The following PAPSS1 variants were observed in gnomAD, a reference collection of about 807,000 sequenced individuals.
PAPSS1 encodes the protein 3'-phosphoadenosine 5'-phosphosulfate synthase 1.
In PAPSS1, 50 loss-of-function variants were observed where a neutral mutation model predicts 72.0. The observed-to-expected ratio is 0.69, with a 90% CI of 0.55 to 0.88. The LOEUF (loss-of-function observed/expected upper bound fraction) is 0.88, where lower values mean the gene tolerates loss of function less well. PAPSS1 is among the 40% of genes least tolerant of loss of function. The probability of loss-of-function intolerance (pLI) is 0.00; values close to 1 mark genes in which losing one functional copy is unlikely to be tolerated. For missense variants in PAPSS1, 657 were observed against 782.2 expected (o/e 0.84, Z 1.91); for synonymous variants, 261 against 263.6 (o/e 0.99, Z 0.09).
chr4:107,640,392 A>G lies in PAPSS1; in HGVS notation c.1506+4410T>C, dbSNP rs1029567938. ...TTAACAGCTGCCCATGGTTCTGAAA[A>G]GCATTTGTGCTAAGGAAACAAATCT... On this transcript the variant is annotated intron_variant, in intron 10 of 11. Transcript: ENST00000265174. Among the ~76,000 whole-genome samples the G allele has an allele frequency of 2.6e-5, 4 of 152,218 alleles. No individual in the cohort carries two copies. In the East Asian group the frequency reaches 7.7e-4, roughly 29 times the overall value.
intron 5 of PAPSS1, among the ~76,000 whole-genome samples, chr4:107,670,496 A>T (rs1727440401): frequency 6.6e-6 from 1 of 152,160 alleles, no homozygotes; most frequent in Non-Finnish European, 1.5e-5. Flanking sequence ...TGTGAACACA[A>T]ATCATCTTTC....
chr4:107,653,431 A>G, intron 9 of PAPSS1, 60 bp downstream of exon 9: 2 of 1,525,828 alleles, frequency 1.3e-6, no homozygotes, highest in South Asian at 2.6e-5. Context: ...CACTGGAAAA[A>G]ATCGTCTAGA....
At chr4:107,670,354 G>A (rs62311641) in intron 5 of PAPSS1, among the ~76,000 whole-genome samples, 27,468 of 151,840 alleles carry the variant, frequency 0.18, 2,879 homozygotes, top group East Asian at 0.36. Context: ...AATAAATTAG[G>A]AGGAAGGCAT....
chr4:107,650,693 A>G (rs1255344472), intron 9 of PAPSS1, among the ~76,000 whole-genome samples: 1 of 152,216 alleles, frequency 6.6e-6, no homozygotes, highest in Non-Finnish European at 1.5e-5. Flanking sequence ...TAATTTGAAT[A>G]TATGTTATCT....
rs896674473 is a variant in PAPSS1 at position 107,623,449 on chromosome 4, C to T, written c.1736+8182G>A. Among the ~76,000 whole-genome samples, 11 of 152,290 alleles carry T rather than the reference C, an allele frequency of 7.2e-5. No homozygotes were observed. In the South Asian group the frequency reaches 2.1e-3, roughly 29 times the overall value. On this transcript the variant is annotated intron_variant, in intron 11 of 11. Transcript: ENST00000265174. Reference sequence around the variant, plus strand: ...TTTGCTTCTGCTGAATGCTTAGAGGCCTGCCTACTTAAGAACCACAAAAAA... The same window carrying T: ...TTTGCTTCTGCTGAATGCTTAGAGGTCTGCCTACTTAAGAACCACAAAAAA...
chr4:107,671,064 C>T (rs962551135), intron 5 of PAPSS1, among the ~76,000 whole-genome samples: 1 of 152,064 alleles, frequency 6.6e-6, no homozygotes, highest in Admixed American at 6.6e-5. Flanking sequence ...CAGTTTTTAA[C>T]CATCAGGGAA....
intron 3 of PAPSS1, among the ~76,000 whole-genome samples, chr4:107,688,003 G>A (rs2110339833): frequency 6.7e-6 from 1 of 148,530 alleles, no homozygotes; most frequent in East Asian, 2.0e-4. Flanking sequence ...AAATCTCCAA[G>A]AATAAGCTCT....
chr4:107,692,209 A>G (rs1264907541), intron 3 of PAPSS1, among the ~76,000 whole-genome samples: 2 of 152,212 alleles, frequency 1.3e-5, no homozygotes, highest in East Asian at 3.8e-4. Flanking sequence ...TAATTAAACT[A>G]AAGAGCTTCT....
At chr4:107,641,973 A>T (rs550645000) in intron 10 of PAPSS1, among the ~76,000 whole-genome samples, 83 of 152,314 alleles carry the variant, frequency 5.4e-4, no homozygotes, top group Non-Finnish European at 1.0e-3. Flanking sequence ...GTGTTAAATG[A>T]TTTACATTGA....
At chr4:107,660,102 G>T (rs1215106148) in intron 5 of PAPSS1, 30 bp from the exon 6 acceptor site, 1 of 1,131,680 alleles carries the variant, frequency 8.8e-7, no homozygotes, top group Non-Finnish European at 1.3e-6. Context: ...CAATTTAAAT[G>T]TTTGATTCAA....
At chr4:107,633,680 G>A (rs1330205442) in intron 10 of PAPSS1, among the ~76,000 whole-genome samples, 2 of 152,102 alleles carry the variant, frequency 1.3e-5, no homozygotes, top group Non-Finnish European at 2.9e-5. Context: ...AGCACTTTGG[G>A]AGGCTGAGGC....
At chr4:107,618,500 T>C (rs149841078) in intron 11 of PAPSS1, among the ~76,000 whole-genome samples, 23 of 148,784 alleles carry the variant, frequency 1.5e-4, no homozygotes, top group African/African-American at 4.7e-4. Flanking sequence ...AAACATAAGA[T>C]GGAGAAGGAA....
At chr4:107,671,196 C>A (rs535024116) in intron 5 of PAPSS1, among the ~76,000 whole-genome samples, 2 of 151,870 alleles carry the variant, frequency 1.3e-5, no homozygotes, top group South Asian at 4.1e-4. Flanking sequence ...TGGACTGAAT[C>A]CTGGAACAGG....
At chr4:107,634,972 G>A (rs1051146982) in intron 10 of PAPSS1, among the ~76,000 whole-genome samples, 3 of 151,230 alleles carry the variant, frequency 2.0e-5, no homozygotes, top group East Asian at 2.0e-4. Context: ...TAATTTTTTT[G>A]TATTTTTAGT....
At chr4:107,683,985 T>G (rs4956124) in intron 4 of PAPSS1, among the ~76,000 whole-genome samples, 28,209 of 150,822 alleles carry the variant, frequency 0.19, 2,949 homozygotes, top group East Asian at 0.38. Flanking sequence ...CAAACACACA[T>G]TAACCTAAGG....
At chr4:107,691,030 A>G (rs1421717464) in intron 3 of PAPSS1, among the ~76,000 whole-genome samples, 2 of 152,176 alleles carry the variant, frequency 1.3e-5, no homozygotes, top group Non-Finnish European at 2.9e-5. Context: ...TATACACTTT[A>G]AACTGATATA....
At chr4:107,677,935 G>A (rs546648387) in intron 5 of PAPSS1, among the ~76,000 whole-genome samples, 7 of 151,894 alleles carry the variant, frequency 4.6e-5, no homozygotes, top group South Asian at 2.1e-4. Context: ...CTATCGCAAC[G>A]ACAAAAAACC....
chr4:107,630,088 A>G (rs1255907226), intron 11 of PAPSS1, among the ~76,000 whole-genome samples: 1 of 152,182 alleles, frequency 6.6e-6, no homozygotes, highest in Non-Finnish European at 1.5e-5. Flanking sequence ...TTAAATTCCC[A>G]GGACCCTTGG....
chr4:107,654,682 G>GT lies in PAPSS1; in HGVS notation c.1101+12dup, dbSNP rs1355977061. 3 of 1,606,528 alleles carry GT rather than the reference G, an allele frequency of 1.9e-6. No individual in the cohort carries two copies. The highest frequency in any genetic ancestry group is 1.7e-6 in the Non-Finnish European group (2 of 1,175,026). ...GCAAATCAAGATAAAATGCAGCGAG[G>GT]TTTTTTCAGCACCTTAATATAGGGG... On this transcript the variant is annotated intron_variant, in intron 8 of 11. Transcript: ENST00000265174.
Sources: gnomAD v4.1 joint callset for allele counts (sites outside exome capture counted in the v4.1 genomes callset) on GRCh38, gnomAD v4.1.1 for gene constraint, MANE v1.5 for transcripts, NCBI Gene and HGNC (gene_info 2026-07-23, HGNC 2026-07-21) for gene names.